Variants in ELP2 observed in about 807,000 individuals in gnomAD.
ELP2 encodes the protein elongator acetyltransferase complex subunit 2.
A neutral mutation model predicts 119.2 loss-of-function variants in ELP2; 90 were observed. The observed-to-expected ratio is 0.75, with a 90% CI of 0.64 to 0.90. The LOEUF (loss-of-function observed/expected upper bound fraction) is 0.90. ELP2 is among the 40% of genes least tolerant of loss of function. The pLI is 0.00. For synonymous variants in ELP2, 339 were observed against 331.0 expected (o/e 1.02, Z -0.26); for missense variants, 921 against 967.8 (o/e 0.95, Z 0.64).
In ELP2 at chr18:36,170,346, C is replaced by T. The variant is rs2091043113; in HGVS notation, c.2210+150C>T. 3.2e-6 allele frequency: 3 copies of T among 952,236 alleles called. No homozygotes were observed. The African/African-American group carries it at 5.0e-5, about 16-fold the overall frequency. The allele number at this position is 952,236 out of a possible 1,614,324, so 59.0% of individuals were successfully genotyped here. ...TTTTGTTTTGAGATGGAGTCTCACT[C>T]TGTCGCCCAGGCTGGAATGCAGTGG... On this transcript the variant is annotated intron_variant, in intron 20 of 21. Coordinates refer to ENST00000358232, the MANE Select transcript of ELP2 (RefSeq NM_018255.4).
At chr18:36,166,333 T>TTTG (rs1568022473) in intron 18 of ELP2, among the ~76,000 whole-genome samples, 6 of 122,456 alleles carry the variant, frequency 4.9e-5, no homozygotes, top group Non-Finnish European at 8.5e-5. Context: ...TTTTTTTTTT[T>TTTG]TTTTTTTTTT....
chr18:36,143,069 G>T, intron 8 of ELP2, 103 bp downstream of exon 8: 4 of 789,994 alleles, frequency 5.1e-6, no homozygotes, highest in South Asian at 1.8e-5. Flanking sequence ...TTTCACAATT[G>T]TCAGATTCCT....
At chr18:36,170,029 G>A in intron 19 of ELP2, 34 bp from the exon 20 acceptor site, 2 of 1,614,088 alleles carry the variant, frequency 1.2e-6, no homozygotes, top group Non-Finnish European at 1.7e-6. Context: ...CTTGCAAAGA[G>A]AAGGCTTTAC....
At chr18:36,131,663 C>G (rs538799860) in intron 1 of ELP2, among the ~76,000 whole-genome samples, 2 of 152,356 alleles carry the variant, frequency 1.3e-5, no homozygotes, top group South Asian at 4.1e-4. Context: ...GTAAAGTCTG[C>G]AAGGACAAAC....
chr18:36,145,858 G>T (rs1021282182), intron 9 of ELP2, 90 bp from the exon 10 acceptor site: 8 of 1,040,008 alleles, frequency 7.7e-6, no homozygotes, highest in African/African-American at 3.1e-5. Context: ...GAACATCCTT[G>T]CAGTACCCAT....
chr18:36,143,369 G>A (rs570931545), intron 8 of ELP2, among the ~76,000 whole-genome samples: 22 of 149,926 alleles, frequency 1.5e-4, no homozygotes, highest in African/African-American at 3.7e-4. Flanking sequence ...TGATCTGCCC[G>A]CCTCGGCCTC....
At chr18:36,156,681 T>A (rs1464990166) in intron 13 of ELP2, 27 bp downstream of exon 13, 1 of 1,594,284 alleles carries the variant, frequency 6.3e-7, no homozygotes, top group Non-Finnish European at 8.6e-7. Flanking sequence ...ATATTTTACC[T>A]AAATCTAGTC....
At chr18:36,152,120 G>A (rs528206586) in intron 11 of ELP2, among the ~76,000 whole-genome samples, 1 of 151,220 alleles carries the variant, frequency 6.6e-6, no homozygotes, top group Non-Finnish European at 1.5e-5. Context: ...TTGGGCCTGG[G>A]AGGGAGGGTG....
chr18:36,155,259 G>GC (rs34711344), intron 12 of ELP2, among the ~76,000 whole-genome samples: 875 of 51,938 alleles, frequency 0.017, 4 homozygotes, highest in African/African-American at 0.037. Context: ...GTGATGCACC[G>GC]CCCCTCCCCC....
At chr18:36,157,025 G>A (rs2090596161) in intron 13 of ELP2, among the ~76,000 whole-genome samples, 1 of 152,278 alleles carries the variant, frequency 6.6e-6, no homozygotes, top group South Asian at 2.1e-4. Context: ...TGGAACTAAT[G>A]TATCTGCAGT....
chr18:36,138,934 G>T, intron 5 of ELP2, 62 bp downstream of exon 5: 1 of 1,230,206 alleles, frequency 8.1e-7, no homozygotes, highest in South Asian at 1.2e-5. Context: ...CATATGATTA[G>T]AACCTAAAAG....
chr18:36,134,775 G>T (rs140520440), intron 2 of ELP2, among the ~76,000 whole-genome samples: 3 of 152,190 alleles, frequency 2.0e-5, no homozygotes, highest in Non-Finnish European at 4.4e-5. Flanking sequence ...AATATTAGTT[G>T]CCTTTAGATG....
At chr18:36,139,710 T>C in intron 5 of ELP2, 4 of 1,128,284 alleles carry the variant, frequency 3.5e-6, no homozygotes, top group Non-Finnish European at 4.9e-6. Flanking sequence ...TGGCAAGGCA[T>C]GTCCTTAGAA....
chr18:36,168,785 G>A (rs1445906520), intron 19 of ELP2, among the ~76,000 whole-genome samples: 2 of 152,104 alleles, frequency 1.3e-5, no homozygotes, highest in Non-Finnish European at 2.9e-5. Flanking sequence ...GGATCCAGCA[G>A]ACAAAGCAGC....
In ELP2 at chr18:36,154,843, A is replaced by G. The variant is rs1286856299; in HGVS notation, c.1126-7A>G. The stretch of plus-strand genomic sequence containing the variant: ...TTTGATATGTGATATGAGCACTTCC[A>G]TTGCAGAGAGAGTGGACTCCAGAGA... On this transcript the variant is annotated splice_region_variant and splice_polypyrimidine_tract_variant and intron_variant, in intron 11 of 21. Coordinates refer to ENST00000358232, the MANE Select transcript of ELP2 (RefSeq NM_018255.4). 9 of 1,614,050 alleles carry G rather than the reference A, an allele frequency of 5.6e-6. No homozygotes were observed. The highest frequency in any genetic ancestry group is 7.6e-6 in the Non-Finnish European group (9 of 1,180,010).
chr18:36,148,068 A>G (rs966089772), intron 11 of ELP2, among the ~76,000 whole-genome samples: 1 of 146,398 alleles, frequency 6.8e-6, no homozygotes, highest in African/African-American at 2.5e-5. Context: ...TTTTTCCCCC[A>G]GGGTGGAACC....
chr18:36,141,354 G>T, intron 6 of ELP2, 153 bp downstream of exon 6: 1 of 697,392 alleles, frequency 1.4e-6, no homozygotes, highest in Non-Finnish European at 2.5e-6. Flanking sequence ...TGTTAAGATG[G>T]TTGTCTACTC....
chr18:36,149,599 A>T (rs1282094848), intron 11 of ELP2, among the ~76,000 whole-genome samples: 6 of 151,552 alleles, frequency 4.0e-5, no homozygotes, highest in Admixed American at 2.6e-4. Context: ...TTAAAAAAAA[A>T]ATTTTTTTGA....
At position 36,136,268 on chromosome 18, in the gene ELP2, A is replaced by G; in HGVS notation, c.218-39A>G. ...GGAAATTTTTAAAAATTGCAGAAAA[A>G]ATGAATAAAGATATTTACTGAGATA... On this transcript the variant is annotated intron_variant, in intron 2 of 21. Transcript: ENST00000358232. The G allele has an allele frequency of 2.0e-6, 3 of 1,508,292 alleles. No individual in the cohort carries two copies. In the South Asian group the frequency reaches 3.4e-5, roughly 17 times the overall value. The allele number at this position is 1,508,292 out of a possible 1,614,324, so 93.4% of individuals were successfully genotyped here.
Sources: allele counts gnomAD v4.1 joint callset (sites outside exome capture counted in the v4.1 genomes callset), GRCh38; gene constraint gnomAD v4.1.1; transcripts MANE v1.5; gene names NCBI Gene and HGNC (gene_info 2026-07-23, HGNC 2026-07-21).